Variants in RBFOX1 observed in about 807,000 individuals in gnomAD.
RBFOX1 encodes RNA binding fox-1 homolog 1, also known as RNA binding protein fox-1 homolog 1.
A neutral mutation model predicts 57.7 loss-of-function variants in RBFOX1; 8 were observed. The observed-to-expected ratio is 0.14, with a 90% CI of 0.08 to 0.25. RBFOX1 has a LOEUF of 0.25. Ranked by LOEUF, RBFOX1 falls within the 10% of genes least tolerant of loss-of-function variation. The probability of loss-of-function intolerance (pLI) is 1.00; values close to 1 mark genes in which losing one functional copy is unlikely to be tolerated. For missense variants in RBFOX1, 611 were observed against 548.5 expected, an observed-to-expected ratio of 1.11 and a Z score of -1.14; for synonymous variants, 326 against 222.4, an observed-to-expected ratio of 1.47 and a Z score of -4.15.
intron 2 of RBFOX1, among the ~76,000 whole-genome samples, chr16:6,610,648 T>C (rs1381795404): frequency 6.6e-6 from 1 of 152,170 alleles, no homozygotes; most frequent in African/African-American, 2.4e-5. Flanking sequence ...ATTATCCTGA[T>C]TATACATTAA....
chr16:6,003,686 T>C (rs1007659395), intron 4 of RBFOX1, among the ~76,000 whole-genome samples: 4 of 152,272 alleles, frequency 2.6e-5, no homozygotes, highest in Admixed American at 2.6e-4. Flanking sequence ...TGCTATTCCC[T>C]AGGCCTGGGG....
intron 1 of RBFOX1, among the ~76,000 whole-genome samples, chr16:6,126,810 T>C (rs2096592971): frequency 6.6e-6 from 1 of 152,138 alleles, no homozygotes; most frequent in Admixed American, 6.5e-5. Context: ...AGCTAGGAGC[T>C]GGAGGAAGGA....
intron 4 of RBFOX1, among the ~76,000 whole-genome samples, chr16:5,978,453 A>T (rs2060109928): frequency 6.6e-6 from 1 of 152,220 alleles, no homozygotes; most frequent in Non-Finnish European, 1.5e-5. Context: ...TGATAACGTC[A>T]TCCATCAACA....
intron 1 of RBFOX1, among the ~76,000 whole-genome samples, chr16:5,458,041 C>T (rs2068683049): frequency 6.6e-6 from 1 of 151,848 alleles, no homozygotes; most frequent in African/African-American, 2.4e-5. Context: ...GTCTTCTGGG[C>T]AGAAAAAAAT....
At chr16:7,400,199 A>G (rs1269195517) in intron 4 of RBFOX1, among the ~76,000 whole-genome samples, 6 of 152,198 alleles carry the variant, frequency 3.9e-5, no homozygotes, top group African/African-American at 1.4e-4. Flanking sequence ...TTTGTCATGC[A>G]TAAGAATCTC....
chr16:6,604,153 C>A (rs1371898683), intron 2 of RBFOX1, among the ~76,000 whole-genome samples: 1 of 151,904 alleles, frequency 6.6e-6, no homozygotes, highest in African/African-American at 2.4e-5. Context: ...CTCGCCTTGG[C>A]AGTCCAGCTT....
At chr16:7,415,113 C>G (rs1042454409) in intron 4 of RBFOX1, among the ~76,000 whole-genome samples, 2 of 152,184 alleles carry the variant, frequency 1.3e-5, no homozygotes, top group African/African-American at 4.8e-5. Flanking sequence ...AACTGTAATC[C>G]TCTTAAGGAA....
At chr16:6,379,822 G>T (rs779671369) in intron 2 of RBFOX1, among the ~76,000 whole-genome samples, 2 of 152,140 alleles carry the variant, frequency 1.3e-5, no homozygotes, top group Non-Finnish European at 2.9e-5. Flanking sequence ...CAAGAAGGGG[G>T]ATATGTTAGA....
chr16:7,262,906 G>A (rs1485550959), intron 4 of RBFOX1, among the ~76,000 whole-genome samples: 2 of 152,220 alleles, frequency 1.3e-5, no homozygotes, highest in South Asian at 4.1e-4. Context: ...GCCACAGCCT[G>A]TGTGGAGAGG....
intron 2 of RBFOX1, among the ~76,000 whole-genome samples, chr16:6,353,729 C>G (rs925196237): frequency 1.3e-5 from 2 of 152,148 alleles, no homozygotes; most frequent in African/African-American, 2.4e-5. Flanking sequence ...CTTTGCTACA[C>G]TGGTTTCCAT....
chr16:7,269,414 G>A (rs926412142), intron 4 of RBFOX1, among the ~76,000 whole-genome samples: 4 of 151,990 alleles, frequency 2.6e-5, no homozygotes, highest in African/African-American at 7.3e-5. Context: ...AAAACATTTT[G>A]ATATTTCTCT....
At chr16:6,001,551 C>A (rs571446955) in intron 4 of RBFOX1, among the ~76,000 whole-genome samples, 1 of 152,068 alleles carries the variant, frequency 6.6e-6, no homozygotes, top group African/African-American at 2.4e-5. Context: ...AATGTTTTCC[C>A]GAGATAAGTG....
chr16:6,922,430 C>T (rs143559232), intron 3 of RBFOX1, among the ~76,000 whole-genome samples: 19 of 152,338 alleles, frequency 1.2e-4, no homozygotes, highest in Admixed American at 3.3e-4. Context: ...CTGCAGTGAG[C>T]ACTTCCAGGC....
chr16:7,231,011 C>G (rs1436034401), intron 4 of RBFOX1, among the ~76,000 whole-genome samples: 1 of 152,102 alleles, frequency 6.6e-6, no homozygotes, highest in Non-Finnish European at 1.5e-5. Flanking sequence ...GCCATGGTAC[C>G]TGAACAAGCA....
intron 4 of RBFOX1, among the ~76,000 whole-genome samples, chr16:7,070,241 A>G (rs985122293): frequency 1.3e-5 from 2 of 152,142 alleles, no homozygotes; most frequent in African/African-American, 4.8e-5. Context: ...GAGGAGACTG[A>G]TGTATTTGCT....
chr16:6,049,568 G>T (rs1170146477), intron 1 of RBFOX1, among the ~76,000 whole-genome samples: 3 of 151,072 alleles, frequency 2.0e-5, no homozygotes, highest in African/African-American at 7.4e-5. Context: ...GGATAAGAAG[G>T]TTTTTTTCCT....
chr16:5,337,872 C>T (rs68030152), intron 1 of RBFOX1, among the ~76,000 whole-genome samples: 4 of 151,914 alleles, frequency 2.6e-5, no homozygotes, highest in Admixed American at 1.3e-4. Flanking sequence ...AGTAAGGCCC[C>T]ATCTCTGCAA....
intron 3 of RBFOX1, among the ~76,000 whole-genome samples, chr16:6,934,410 G>T (rs1168596276): frequency 6.6e-6 from 1 of 152,114 alleles, no homozygotes; most frequent in Non-Finnish European, 1.5e-5. Context: ...GTATTTGAAA[G>T]GGAGACCTGC....
chr16:7,080,295 G>C (rs1049487105), intron 4 of RBFOX1, among the ~76,000 whole-genome samples: 2 of 152,046 alleles, frequency 1.3e-5, no homozygotes, highest in African/African-American at 4.8e-5. Context: ...TCAGCAGATA[G>C]CTGAACACTG....
Sources: allele counts gnomAD v4.1 joint callset (sites outside exome capture counted in the v4.1 genomes callset), GRCh38; gene constraint gnomAD v4.1.1; transcripts MANE v1.5; gene names NCBI Gene and HGNC (gene_info 2026-07-23, HGNC 2026-07-21).